ZNF530: variants seen among roughly 807,000 people sequenced by gnomAD.
ZNF530 encodes zinc finger protein 530.
In ZNF530, 5 loss-of-function variants were observed where a neutral mutation model predicts 2.8. The observed-to-expected ratio is 1.80, with a 90% CI of 0.94 to 3.78. The LOEUF (loss-of-function observed/expected upper bound fraction) is 3.78. ZNF530 is among the 30% of genes most tolerant of loss of function. The probability of loss-of-function intolerance (pLI) is 0.00; values close to 1 mark genes in which losing one functional copy is unlikely to be tolerated. For synonymous variants in ZNF530, 229 were observed against 235.0 expected (o/e 0.97, Z 0.23); for missense variants, 619 against 673.3 (o/e 0.92, Z 0.89).
chr19:57,611,585 C>T (rs1417778778), downstream of ZNF530, among the ~76,000 whole-genome samples: 1 of 152,116 alleles, frequency 6.6e-6, no homozygotes, highest in African/African-American at 2.4e-5. Flanking sequence ...CAAATTTTGC[C>T]ATCTTGCCCC....
At chr19:57,611,199 G>A (rs1301932611), downstream of ZNF530, among the ~76,000 whole-genome samples, 4 of 152,160 alleles carry the variant, frequency 2.6e-5, no homozygotes, top group Admixed American at 6.5e-5. Flanking sequence ...AAATTCAACC[G>A]AGGAGGCAGA....
Position 57,604,426 on chromosome 19 carries a change from C to T in ZNF530, c.61+20C>T, listed in dbSNP as rs201310511. 179 of 1,607,574 alleles carry T rather than the reference C, an allele frequency of 1.1e-4. 1 individual carries two copies. Among genetic ancestry groups the T allele is most frequent in the Non-Finnish European group, 1.5e-4 (171 of 1,177,132 alleles). ...CCCTAGGTAAGGCCCTCCTATTCCT[C>T]CCAGTTTCCTTTGTGGGTCTCTCCT... On this transcript the variant is annotated intron_variant, in intron 3 of 3. Transcript: ENST00000597700.
intron 1 of ZNF530, among the ~76,000 whole-genome samples, 185 bp from the exon 2 acceptor site, chr19:57,600,543 C>T (rs1348045798): frequency 6.6e-6 from 1 of 152,204 alleles, no homozygotes; most frequent in African/African-American, 2.4e-5. Flanking sequence ...GTGATGATAG[C>T]AGGCATGGAG....
intron 2 of ZNF530, among the ~76,000 whole-genome samples, chr19:57,601,140 G>A (rs1980214583): frequency 6.6e-6 from 1 of 152,204 alleles, no homozygotes; most frequent in South Asian, 2.1e-4. Flanking sequence ...GATGATGGCA[G>A]CAATGAAGAT....
intron 3 of ZNF530, 58 bp downstream of exon 3, chr19:57,604,464 C>T: frequency 6.4e-7 from 1 of 1,573,774 alleles, no homozygotes; most frequent in Non-Finnish European, 8.6e-7. Context: ...TCCCCTGTCC[C>T]TGAGGCAGCT....
intron 2 of ZNF530, 119 bp from the exon 3 acceptor site, chr19:57,604,158 G>A: frequency 1.4e-6 from 2 of 1,436,814 alleles, no homozygotes; most frequent in Non-Finnish European, 1.9e-6. Context: ...ATCAGGGCCT[G>A]TTGTATTCGC....
rs753852953 is a variant in ZNF530 at position 57,605,825 on chromosome 19, G to A, written c.201G>A (p.Leu67=). 17 of 1,614,176 alleles carry A rather than the reference G, an allele frequency of 1.1e-5. No individual in the cohort carries two copies. The highest frequency in any genetic ancestry group is 1.4e-5 in the Non-Finnish European group (16 of 1,180,042). The change falls in exon 4 of 4, where the codon CTG becomes CTA. Residue 67 remains leucine, a synonymous_variant. Coordinates refer to ENST00000597700, the MANE Select transcript of ZNF530 (RefSeq NM_001321981.2). ...CCTGTGAGATTTGTACCCCAGTCCT[G>A]AGAGACATTTTACAAATGATTGAGC... The part of the protein sequence containing the change: ...SHPCEICTPV[L]RDILQMIELH...
chr19:57,605,777 T>A lies in ZNF530; in HGVS notation c.153T>A (p.Asp51Glu). Residue 51 changes from aspartate to glutamate, a missense_variant, in exon 4 of 4, where the codon GAT (aspartate) becomes GAA (glutamate). Coordinates refer to ENST00000597700, the MANE Select transcript of ZNF530 (RefSeq NM_001321981.2). ...CACAGGGCAGGACTCCAAAGGCAGA[T>A]ACATCCACTGATAAGAGTCACCCCT... ...ELSQGRTPKA[D>E]TSTDKSHPCE... The A allele has an allele frequency of 6.2e-7, 1 of 1,614,180 alleles. No homozygotes were observed. The highest frequency in any genetic ancestry group is 8.5e-7 in the Non-Finnish European group (1 of 1,180,038).
chr19:57,606,926 A>AT lies in ZNF530; in HGVS notation c.1303dup (p.Cys435LeufsTer2), dbSNP rs1428112011. On this transcript the variant is annotated frameshift_variant, in exon 4 of 4. Coordinates refer to ENST00000597700, the MANE Select transcript of ZNF530 (RefSeq NM_001321981.2). LOFTEE classifies it low-confidence loss of function (END_TRUNC). ...AAACAAAGCCTTATGAGTGCAGTGA[A>AT]TGTGAAAAATCATTTAGTTGCAAAA... 2.5e-6 allele frequency: 4 copies of AT among 1,613,980 alleles called. No individual in the cohort carries two copies. The highest frequency in any genetic ancestry group is 3.4e-6 in the Non-Finnish European group (4 of 1,179,994).
At position 57,606,295 on chromosome 19, in the gene ZNF530, A is replaced by G; in HGVS notation, c.671A>G (p.His224Arg). ...SFSQSSGFLR[H>R]RKAHGRTRTH... ...AGTCAAAGTTCTGGCTTTCTTCGAC[A>G]CAGGAAAGCACACGGTAGAACAAGG... Residue 224 changes from histidine to arginine, a missense_variant, in exon 4 of 4, where the codon CAC (histidine) becomes CGC (arginine). Coordinates refer to ENST00000597700, the MANE Select transcript of ZNF530 (RefSeq NM_001321981.2). 1 of 1,614,182 alleles carries G rather than the reference A, an allele frequency of 6.2e-7. No individual in the cohort carries two copies. The highest frequency in any genetic ancestry group is 8.5e-7 in the Non-Finnish European group (1 of 1,180,036).
chr19:57,607,472 G>A lies in ZNF530; in HGVS notation c.*147G>A, dbSNP rs1368058126. 9 of 791,012 alleles carry A rather than the reference G, an allele frequency of 1.1e-5. No individual in the cohort carries two copies. The East Asian group carries it at 2.4e-4, about 21-fold the overall frequency. 49.0% of individuals were successfully genotyped at this position (791,012 alleles called of 1,614,324 possible). A position where few individuals can be genotyped will look rare whatever the true frequency, so the allele number is the denominator to read the frequency against. ...TGATTCTCCTGCCACAGCCTCCTGA[G>A]TACCTGAGATTACAGGCACCCACCA... On this transcript the variant is annotated 3_prime_UTR_variant, in exon 4 of 4. Transcript: ENST00000597700.
At chr19:57,610,412 A>ATGTGTG (rs57429926), downstream of ZNF530, among the ~76,000 whole-genome samples, 280 of 147,260 alleles carry the variant, frequency 1.9e-3, no homozygotes, top group South Asian at 8.2e-3. Context: ...AAGTGTACAT[A>ATGTGTG]TGTGTGTGTG....
chr19:57,604,176 G>T, intron 2 of ZNF530, 101 bp from the exon 3 acceptor site: 1 of 1,541,268 alleles, frequency 6.5e-7, no homozygotes, highest in South Asian at 1.1e-5. Flanking sequence ...CGCTGAGGTG[G>T]GGAGATGGGG....
intron 1 of ZNF530, among the ~76,000 whole-genome samples, chr19:57,600,501 A>G (rs138580622): frequency 1.3e-5 from 2 of 152,358 alleles, no homozygotes; most frequent in East Asian, 3.9e-4. Context: ...AAGTTTCACA[A>G]AAGCTGTTCA....
Position 57,607,309 on chromosome 19 carries a change from G to A in ZNF530, c.1685G>A (p.Arg562Lys), listed in dbSNP as rs1352698506. ...SQSSGLLRHRRVHVQ is the reference protein window; with the variant it reads ...SQSSGLLRHRKVHVQ ...AGCTCTGGCCTCTTAAGACACAGAA[G>A]AGTTCATGTGCAGTGAATGTGGGAA... Residue 562 changes from arginine to lysine, a missense_variant, in exon 4 of 4, where the codon AGA becomes AAA. Transcript: ENST00000597700. 6.2e-7 allele frequency: 1 copy of A among 1,604,650 alleles called. No individual in the cohort carries two copies. Among genetic ancestry groups the A allele is most frequent in the South Asian group, 1.1e-5 (1 of 90,272 alleles).
At chr19:57,604,769 A>T (rs1168363897) in intron 3 of ZNF530, 4 of 193,542 alleles carry the variant, frequency 2.1e-5, no homozygotes, top group African/African-American at 2.4e-5. Flanking sequence ...TGCAGGTATC[A>T]TCATGTTAAC....
At chr19:57,604,494 A>T in intron 3 of ZNF530, 88 bp downstream of exon 3, 1 of 1,518,630 alleles carries the variant, frequency 6.6e-7, no homozygotes, top group Non-Finnish European at 8.8e-7. Flanking sequence ...CTTCAGTTAG[A>T]CCCTGAGCTC....
chr19:57,606,990 A>G lies in ZNF530; in HGVS notation c.1366A>G (p.Arg456Gly), dbSNP rs1040896825. Residue 456 changes from arginine (R) to glycine (G), a missense_variant, in exon 4 of 4, where the codon AGG becomes GGG. By Grantham distance (125) the Arg-to-Gly change is moderately radical. Transcript: ENST00000597700. The part of the protein sequence containing the change: ...IRHQTVHTGE[R>G]PYECSVCGKS... ...ACACCAGACAGTTCACACTGGAGAA[A>G]GGCCTTATGAGTGCAGTGTATGTGG... The G allele has an allele frequency of 2.5e-6, 4 of 1,614,150 alleles. No individual in the cohort carries two copies. The highest frequency in any genetic ancestry group is 3.3e-5 in the Admixed American group (2 of 59,982).
In ZNF530 at chr19:57,606,780, A is replaced by T; in HGVS notation, c.1156A>T (p.Lys386Ter). The change falls in exon 4 of 4, where the codon AAA (lysine) becomes TAA (stop). Residue 386 changes from lysine to a stop codon, truncating the protein, a stop_gained. Coordinates refer to ENST00000597700, the MANE Select transcript of ZNF530 (RefSeq NM_001321981.2). LOFTEE classifies it low-confidence loss of function (END_TRUNC). ...CSECGKSFGQ[K>*]SVLIQHQRVH... The stretch of plus-strand genomic sequence containing the variant: ...TGAATGTGGGAAATCATTTGGCCAG[A>T]AATCTGTCCTCATTCAACACCAAAG... 1 of 1,612,638 alleles carries T rather than the reference A, an allele frequency of 6.2e-7. No homozygotes were observed. The highest frequency in any genetic ancestry group is 8.5e-7 in the Non-Finnish European group (1 of 1,179,656).
Sources: gnomAD v4.1 joint callset for allele counts (sites outside exome capture counted in the v4.1 genomes callset) on GRCh38, gnomAD v4.1.1 for gene constraint, MANE v1.5 for transcripts, NCBI Gene and HGNC (gene_info 2026-07-23, HGNC 2026-07-21) for gene names.